The following NPAT variants were observed in gnomAD, a reference collection of about 807,000 sequenced individuals.
NPAT encodes the protein protein NPAT.
NPAT carries 52 observed loss-of-function variants against 130.7 expected under a neutral mutation model. That is an observed-to-expected ratio of 0.40 (90% CI 0.32 to 0.50). The LOEUF (loss-of-function observed/expected upper bound fraction) is 0.50, where lower values mean the gene tolerates loss of function less well. Among genes scored for constraint, NPAT ranks in the 20% least tolerant of loss-of-function variants. The pLI, the probability that NPAT is intolerant of heterozygous loss-of-function variation, is 0.68. For synonymous variants in NPAT, 580 were observed against 584.8 expected, an observed-to-expected ratio of 0.99 and a Z score of 0.12; for missense variants, 1,687 against 1,662.6, an observed-to-expected ratio of 1.01 and a Z score of -0.26.
At chr11:108,192,245 T>C in intron 3 of NPAT, 55 bp from the exon 4 acceptor site, 1 of 1,127,280 alleles carries the variant, frequency 8.9e-7, no homozygotes, top group Non-Finnish European at 1.4e-6. Flanking sequence ...ATTTCATCAT[T>C]CATTCTGAAC....
At chr11:108,174,899 A>G (rs2134840489) in intron 12 of NPAT, among the ~76,000 whole-genome samples, 3 of 152,340 alleles carry the variant, frequency 2.0e-5, no homozygotes, top group Admixed American at 2.0e-4. Context: ...GATTACAGGC[A>G]TAAGCCACTG....
chr11:108,177,810 T>C (rs1186181424), intron 10 of NPAT, among the ~76,000 whole-genome samples: 1 of 152,052 alleles, frequency 6.6e-6, no homozygotes, highest in Non-Finnish European at 1.5e-5. Context: ...AGCCTTGACC[T>C]CCCGAGCTCA....
chr11:108,217,189 G>A (rs1389314665), intron 1 of NPAT, among the ~76,000 whole-genome samples: 8 of 152,192 alleles, frequency 5.3e-5, no homozygotes, highest in Non-Finnish European at 1.2e-4. Flanking sequence ...ACGTGGGCGT[G>A]TGAGTGCTCC....
In NPAT at chr11:108,161,844, T is replaced by G. The variant is rs1418630369; in HGVS notation, c.3242A>C (p.His1081Pro). Residue 1081 changes from histidine (H) to proline (P), a missense_variant, in exon 17 of 18, where the codon CAT becomes CCT. Physicochemically the swap from His to Pro is moderately conservative, Grantham distance 77. Around this residue, in one of 3 missense-constraint regions of NPAT, gnomAD observed 1,379 missense variants for 1,346.6 expected, o/e 1.02. Coordinates refer to ENST00000278612, the MANE Select transcript of NPAT (RefSeq NM_002519.3). The stretch of plus-strand genomic sequence containing the variant: ...TTCTTTGTTTTGGGACACCATCTTA[T>G]GGTTTGGCCCCTGCGTATTTGCCAC... ...APVANTQGPN[H>P]KMVSQNKERN... The G allele has an allele frequency of 6.2e-7, 1 of 1,614,056 alleles. No individual in the cohort carries two copies. Among genetic ancestry groups the G allele is most frequent in the Non-Finnish European group, 8.5e-7 (1 of 1,180,048 alleles).
chr11:108,220,738 G>T (rs1011355720), intron 1 of NPAT, among the ~76,000 whole-genome samples: 1 of 152,126 alleles, frequency 6.6e-6, no homozygotes, highest in African/African-American at 2.4e-5. Context: ...TTTTTGTATT[G>T]TATACTCCTG....
chr11:108,193,176 C>T (rs1426961651), intron 3 of NPAT, among the ~76,000 whole-genome samples: 1 of 152,098 alleles, frequency 6.6e-6, no homozygotes, highest in African/African-American at 2.4e-5. Flanking sequence ...TCTAAAACAT[C>T]CTTAATTTAG....
Position 108,222,481 on chromosome 11 carries a change from A to T in NPAT, c.37+19T>A, listed in dbSNP as rs228589. On this transcript the variant is annotated intron_variant, in intron 1 of 17. Transcript: ENST00000278612. ...GCATAGCCGGGTCCAATAACCCTCC[A>T]TCCCGCGTCCGCGCTTACCCAATAC... 906,660 of 1,611,720 alleles carry T rather than the reference A, an allele frequency of 0.56. 257,342 individuals carry two copies. Among genetic ancestry groups the T allele is most frequent in the Middle Eastern group, 0.72 (4,373 of 6,056 alleles).
At chr11:108,210,002 A>G (rs774221549) in intron 1 of NPAT, among the ~76,000 whole-genome samples, 12 of 151,892 alleles carry the variant, frequency 7.9e-5, no homozygotes, top group Non-Finnish European at 1.6e-4. Context: ...AAACAAAAAT[A>G]GAGAAAAATG....
intron 1 of NPAT, among the ~76,000 whole-genome samples, chr11:108,205,002 A>G (rs1040468705): frequency 6.6e-6 from 1 of 152,236 alleles, no homozygotes; most frequent in Non-Finnish European, 1.5e-5. Flanking sequence ...ACATGAAGGT[A>G]GCTCAACAGT....
At chr11:108,165,243 T>C (rs550367105) in intron 15 of NPAT, among the ~76,000 whole-genome samples, 1 of 152,062 alleles carries the variant, frequency 6.6e-6, no homozygotes, top group Non-Finnish European at 1.5e-5. Context: ...TAGTTCACTC[T>C]ATCAATTTTT....
chr11:108,222,432 T>C lies in NPAT; in HGVS notation c.37+68A>G, dbSNP rs573131053. The C allele has an allele frequency of 1.4e-4, 219 of 1,549,812 alleles. 3 individuals carry two copies. The South Asian group carries it at 2.4e-3, about 17-fold the overall frequency. Reference sequence around the variant, plus strand: ...AGCTTCCCTACCAAGGGAAAACCTTTGGCCTCAAAGGTCCTTCTGTCCAGC... The same window carrying C: ...AGCTTCCCTACCAAGGGAAAACCTTCGGCCTCAAAGGTCCTTCTGTCCAGC... On this transcript the variant is annotated intron_variant, in intron 1 of 17. Coordinates refer to ENST00000278612, the MANE Select transcript of NPAT (RefSeq NM_002519.3).
intron 2 of NPAT, among the ~76,000 whole-genome samples, chr11:108,196,324 G>GC (rs1198670686): frequency 1.3e-5 from 2 of 152,164 alleles, no homozygotes; most frequent in Non-Finnish European, 2.9e-5. Flanking sequence ...TATCAAAAAT[G>GC]CCCCTTCATC....
intron 10 of NPAT, among the ~76,000 whole-genome samples, chr11:108,184,166 T>C (rs2078082492): frequency 6.6e-6 from 1 of 152,108 alleles, no homozygotes; most frequent in South Asian, 2.1e-4. Context: ...ATCTTTCTTT[T>C]TAAAAAGGTC....
At chr11:108,173,986 G>T in intron 12 of NPAT, 135 bp from the exon 13 acceptor site, 1 of 779,514 alleles carries the variant, frequency 1.3e-6, no homozygotes, top group Non-Finnish European at 2.2e-6. Flanking sequence ...CTGATACGCT[G>T]TGTTTCCCAT....
intron 1 of NPAT, among the ~76,000 whole-genome samples, chr11:108,198,904 A>G (rs1342643234): frequency 6.6e-6 from 1 of 152,216 alleles, no homozygotes; most frequent in East Asian, 1.9e-4. Context: ...ACGCAGGACA[A>G]GATCTCAGAA....
rs775076392 is a variant in NPAT, at chr11:108,161,729, T to TTTC, written c.3354_3356dup (p.Lys1119dup). 1.7e-4 allele frequency: 274 copies of TTTC among 1,613,826 alleles called. No individual in the cohort carries two copies. The highest frequency in any genetic ancestry group is 2.2e-4 in the Non-Finnish European group (265 of 1,180,046). On this transcript the variant is annotated inframe_insertion, in exon 17 of 18. Coordinates refer to ENST00000278612, the MANE Select transcript of NPAT (RefSeq NM_002519.3). Reference sequence around the variant, plus strand: ...AAATCTTAGGCAGAGGAGGCTTCTCTTTCTCTCTTTTGATAGCATTATTAG... The same window carrying TTTC: ...AAATCTTAGGCAGAGGAGGCTTCTCTTTCTTCTCTCTTTTGATAGCATTATTAG...
At chr11:108,188,594 A>T (rs771580229) in intron 6 of NPAT, among the ~76,000 whole-genome samples, 11 of 152,194 alleles carry the variant, frequency 7.2e-5, no homozygotes, top group Admixed American at 6.5e-5. Flanking sequence ...TCTGTTATTA[A>T]CTAGCTTCTT....
intron 15 of NPAT, among the ~76,000 whole-genome samples, chr11:108,168,491 T>C (rs1213293404): frequency 5.3e-5 from 8 of 152,186 alleles, no homozygotes; most frequent in Non-Finnish European, 1.5e-5. Context: ...GTATACTGTT[T>C]AGTTTAAGGA....
intron 9 of NPAT, 36 bp from the exon 10 acceptor site, chr11:108,185,355 A>T: frequency 2.5e-6 from 4 of 1,580,550 alleles, no homozygotes; most frequent in Non-Finnish European, 3.5e-6. Context: ...TATTATAGTT[A>T]TGCAATTAGG....
Sources: allele counts gnomAD v4.1 joint callset (sites outside exome capture counted in the v4.1 genomes callset), GRCh38; gene constraint gnomAD v4.1.1; regional missense constraint gnomAD v4.1.1; transcripts MANE v1.5; gene names NCBI Gene and HGNC (gene_info 2026-07-23, HGNC 2026-07-21).